The following SLC39A10 variants were observed in gnomAD, a reference collection of about 807,000 sequenced individuals.
The protein encoded by SLC39A10 is zinc transporter ZIP10.
SLC39A10 carries 13 observed loss-of-function variants against 65.1 expected under a neutral mutation model. The observed-to-expected ratio is 0.20, with a 90% CI of 0.13 to 0.32. The LOEUF (loss-of-function observed/expected upper bound fraction) is 0.32. Among genes scored for constraint, SLC39A10 ranks in the 10% least tolerant of loss-of-function variants. The probability of loss-of-function intolerance (pLI) is 1.00; values close to 1 mark genes in which losing one functional copy is unlikely to be tolerated. For synonymous variants in SLC39A10, 321 were observed against 342.2 expected (o/e 0.94, Z 0.68); for missense variants, 831 against 1,018.4 (o/e 0.82, Z 2.50).
At chr2:195,679,082 G>A (rs1055272832) in intron 1 of SLC39A10, among the ~76,000 whole-genome samples, 1 of 152,048 alleles carries the variant, frequency 6.6e-6, no homozygotes, top group Non-Finnish European at 1.5e-5. Context: ...ACATAGTCAG[G>A]GTGACTGAGA....
At chr2:195,668,673 G>C (rs1342792004) in intron 1 of SLC39A10, among the ~76,000 whole-genome samples, 2 of 152,218 alleles carry the variant, frequency 1.3e-5, no homozygotes, top group Non-Finnish European at 2.9e-5. Flanking sequence ...ATACTCCCTA[G>C]AGTAAAAAGA....
chr2:195,663,233 A>G (rs1689477097), intron 1 of SLC39A10, among the ~76,000 whole-genome samples: 1 of 150,786 alleles, frequency 6.6e-6, no homozygotes, highest in South Asian at 2.1e-4. Flanking sequence ...CTATCTTCTC[A>G]CTCCCCTCAT....
intron 8 of SLC39A10, among the ~76,000 whole-genome samples, chr2:195,725,361 AC>A (rs1692197984): frequency 6.6e-6 from 1 of 152,162 alleles, no homozygotes; most frequent in Non-Finnish European, 1.5e-5. Flanking sequence ...TTTGGACAAT[AC>A]ATATCTGACA....
intron 3 of SLC39A10, among the ~76,000 whole-genome samples, chr2:195,699,219 A>G (rs561905529): frequency 1.4e-4 from 22 of 151,980 alleles, no homozygotes; most frequent in South Asian, 6.2e-4. Flanking sequence ...AGGTTTGTCA[A>G]TTTTGTGATC....
Position 195,680,858 on chromosome 2 carries a change from A to C in SLC39A10, c.816A>C (p.Val272=). 2 of 1,614,178 alleles carry C rather than the reference A, an allele frequency of 1.2e-6. No homozygotes were observed. The highest frequency in any genetic ancestry group is 8.5e-7 in the Non-Finnish European group (1 of 1,180,026). Residue 272 remains valine, a synonymous_variant, in exon 2 of 10, where the codon GTA becomes GTC. Coordinates refer to ENST00000359634, the MANE Select transcript of SLC39A10 (RefSeq NM_020342.3). ...EHNRVHKPDR[V]HNPGHSHVHL... ...ATCGGGTCCACAAACCTGATCGTGT[A>C]CATAACCCAGGTCATTCTCATGTAC...
chr2:195,727,853 G>C (rs934905237), intron 8 of SLC39A10, among the ~76,000 whole-genome samples: 1 of 152,066 alleles, frequency 6.6e-6, no homozygotes, highest in Non-Finnish European at 1.5e-5. Flanking sequence ...TCTTCCTTTA[G>C]AGTCGCAGCT....
At chr2:195,698,389 G>A (rs1304439140) in intron 3 of SLC39A10, among the ~76,000 whole-genome samples, 1 of 152,022 alleles carries the variant, frequency 6.6e-6, no homozygotes, top group Non-Finnish European at 1.5e-5. Context: ...AAGCATCCTT[G>A]TTTTGTTCTT....
chr2:195,618,557 T>C (rs1327994844), intron 2 of SLC39A10, among the ~76,000 whole-genome samples: 1 of 152,210 alleles, frequency 6.6e-6, no homozygotes, highest in African/African-American at 2.4e-5. Flanking sequence ...CTCCGCTTCA[T>C]GGTAGGCATG....
intron 3 of SLC39A10, among the ~76,000 whole-genome samples, chr2:195,701,696 T>C (rs1691202531): frequency 6.6e-6 from 1 of 152,062 alleles, no homozygotes. Flanking sequence ...TTTTTTGTTT[T>C]TTTGAGACAG....
chr2:195,694,396 G>A (rs1690857994), intron 3 of SLC39A10, among the ~76,000 whole-genome samples: 1 of 152,194 alleles, frequency 6.6e-6, no homozygotes, highest in African/African-American at 2.4e-5. Context: ...TGTCAGTGGA[G>A]TATTAAAGTC....
intron 3 of SLC39A10, among the ~76,000 whole-genome samples, chr2:195,704,262 T>G (rs1691309817): frequency 6.6e-6 from 1 of 152,206 alleles, no homozygotes; most frequent in African/African-American, 2.4e-5. Flanking sequence ...GCTGTTGCTT[T>G]TAGAAAAGTT....
intron 6 of SLC39A10, among the ~76,000 whole-genome samples, chr2:195,715,510 A>G (rs1691765007): frequency 7.4e-6 from 1 of 135,138 alleles, no homozygotes; most frequent in Admixed American, 7.8e-5. Flanking sequence ...TGGGTGACAG[A>G]GTGAGACTCT....
intron 1 of SLC39A10, chr2:195,674,699 G>A (rs1366210961): frequency 6.3e-6 from 6 of 956,766 alleles, no homozygotes; most frequent in African/African-American, 1.8e-5. Flanking sequence ...TGAGGTGCAG[G>A]CTTAGGTGAT....
At chr2:195,636,373 A>C (rs1202392176) in intron 2 of SLC39A10, among the ~76,000 whole-genome samples, 1 of 152,238 alleles carries the variant, frequency 6.6e-6, no homozygotes, top group East Asian at 1.9e-4. Flanking sequence ...TAAGTATTTA[A>C]ATTTTTTTTA....
At chr2:195,644,890 C>CTTTATTTATTTATTTATTTATTTA (rs55931319) in intron 2 of SLC39A10, among the ~76,000 whole-genome samples, 1 of 138,144 alleles carries the variant, frequency 7.2e-6, no homozygotes, top group African/African-American at 2.7e-5. Context: ...AATCTAACTA[C>CTTTATTTATTTATTTATTTATTTA]TTTATTTATT....
At chr2:195,622,296 G>A (rs1294622184) in intron 2 of SLC39A10, among the ~76,000 whole-genome samples, 2 of 152,072 alleles carry the variant, frequency 1.3e-5, no homozygotes, top group Non-Finnish European at 1.5e-5. Flanking sequence ...AGCCCCGGAG[G>A]TCAAGGCTGC....
intron 1 of SLC39A10, among the ~76,000 whole-genome samples, chr2:195,671,359 T>C (rs2105751548): frequency 1.3e-5 from 2 of 152,334 alleles, no homozygotes; most frequent in Non-Finnish European, 2.9e-5. Flanking sequence ...AAATTTGTTG[T>C]GGCACTGCTA....
chr2:195,618,243 C>T (rs566533539), intron 2 of SLC39A10, among the ~76,000 whole-genome samples: 11 of 150,980 alleles, frequency 7.3e-5, no homozygotes, highest in African/African-American at 2.2e-4. Flanking sequence ...CCCAGCTACG[C>T]GGGAGGCTGA....
rs763525517 is a variant in SLC39A10 at position 195,713,488 on chromosome 2, A to G, written c.1631A>G (p.Lys544Arg). 32 of 1,585,744 alleles carry G rather than the reference A, an allele frequency of 2.0e-5. 1 individual carries two copies. Among genetic ancestry groups the G allele is most frequent in the African/African-American group, 9.6e-5 (7 of 72,938 alleles). ...QNTEESTIGR[K>R]LSDHKLNNTP... ...ACAGAAGAATCAACTATTGGAAGAAAGCTTTCAGATCACAAGTTAAACAAT... is the reference window on the plus strand; with the variant it reads ...ACAGAAGAATCAACTATTGGAAGAAGGCTTTCAGATCACAAGTTAAACAAT... The change falls in exon 6 of 10, where the codon AAG becomes AGG. Residue 544 changes from lysine (K) to arginine (R), a missense_variant. Physicochemically the swap from Lys to Arg is conservative, Grantham distance 26 (BLOSUM62 2). Coordinates refer to ENST00000359634, the MANE Select transcript of SLC39A10 (RefSeq NM_020342.3).
Sources: allele counts gnomAD v4.1 joint callset (sites outside exome capture counted in the v4.1 genomes callset), GRCh38; gene constraint gnomAD v4.1.1; transcripts MANE v1.5; gene names NCBI Gene and HGNC (gene_info 2026-07-23, HGNC 2026-07-21).